KIAA2012: variants seen among roughly 807,000 people sequenced by gnomAD.
The protein encoded by KIAA2012 is KIAA2012.
Under a neutral mutation model 150.6 loss-of-function variants are expected in KIAA2012, and 125 were observed. The ratio of observed to expected loss-of-function variants is 0.83; its 90% CI spans 0.72 to 0.96. The LOEUF (loss-of-function observed/expected upper bound fraction) is 0.96, where lower values mean the gene tolerates loss of function less well. Among genes scored for constraint, KIAA2012 ranks in the 40% least tolerant of loss-of-function variants. The pLI, the probability that KIAA2012 is intolerant of heterozygous loss-of-function variation, is 0.00. For missense variants in KIAA2012, 1,219 were observed against 1,354.9 expected (o/e 0.90, Z 1.57); for synonymous variants, 462 against 504.7 (o/e 0.92, Z 1.13).
intron 15 of KIAA2012, among the ~76,000 whole-genome samples, chr2:202,175,050 G>A (rs1691962713): frequency 6.6e-6 from 1 of 152,084 alleles, no homozygotes. Flanking sequence ...GTTTACAATT[G>A]GTTGATATGA....
intron 9 of KIAA2012, among the ~76,000 whole-genome samples, chr2:202,107,233 CAA>C (rs11315273): frequency 3.1e-5 from 4 of 129,444 alleles, no homozygotes; most frequent in South Asian, 2.3e-4. Context: ...TAACTAATAC[CAA>C]AAAAAAAATA....
chr2:202,204,138 G>A (rs1277572395), intron 23 of KIAA2012, among the ~76,000 whole-genome samples: 3 of 147,052 alleles, frequency 2.0e-5, no homozygotes, highest in Non-Finnish European at 4.5e-5. Context: ...GTGCAGTGGC[G>A]CCATCACAGC....
chr2:202,142,722 T>A (rs944216139), intron 13 of KIAA2012, among the ~76,000 whole-genome samples: 3 of 152,140 alleles, frequency 2.0e-5, no homozygotes, highest in African/African-American at 7.2e-5. Context: ...GCCTGGAGGT[T>A]AGAATCAAGA....
At chr2:202,116,268 G>C (rs1189481629) in intron 11 of KIAA2012, 1 of 152,118 alleles carries the variant, frequency 6.6e-6, no homozygotes, top group Non-Finnish European at 1.5e-5. Context: ...ATTTGTTCTT[G>C]TTCTAAATGG....
chr2:202,105,602 C>T (rs934828534), intron 8 of KIAA2012, among the ~76,000 whole-genome samples, 159 bp from the exon 9 acceptor site: 1 of 152,212 alleles, frequency 6.6e-6, no homozygotes, highest in Non-Finnish European at 1.5e-5. Context: ...ACTCTCATGC[C>T]AGGCTTCAGT....
chr2:202,162,065 G>T (rs1241362531), intron 14 of KIAA2012, among the ~76,000 whole-genome samples: 2 of 149,096 alleles, frequency 1.3e-5, no homozygotes, highest in African/African-American at 5.0e-5. Context: ...TATTCAGAAG[G>T]TTTTTTTTTT....
At chr2:202,135,360 G>C in intron 12 of KIAA2012, among the ~76,000 whole-genome samples, 1 of 152,198 alleles carries the variant, frequency 6.6e-6, no homozygotes, top group East Asian at 1.9e-4. Flanking sequence ...AAAAGAACCA[G>C]GCCTTTGTTT....
At chr2:202,089,295 T>A (rs987649221) in intron 2 of KIAA2012, among the ~76,000 whole-genome samples, 1 of 152,242 alleles carries the variant, frequency 6.6e-6, no homozygotes, top group African/African-American at 2.4e-5. Flanking sequence ...ATTTACTGCA[T>A]CCTAACCTGT....
intron 10 of KIAA2012, among the ~76,000 whole-genome samples, chr2:202,110,083 A>G (rs1270310035): frequency 1.3e-5 from 2 of 152,124 alleles, no homozygotes; most frequent in Non-Finnish European, 2.9e-5. Context: ...TGGGGGAGAC[A>G]CACTACTGGA....
intron 14 of KIAA2012, among the ~76,000 whole-genome samples, chr2:202,165,066 G>T (rs1691729252): frequency 6.6e-6 from 1 of 151,918 alleles, no homozygotes. Context: ...GAGACTACAG[G>T]TGCATATTAT....
At chr2:202,114,390 A>G (rs922201614) in intron 11 of KIAA2012, 2 of 167,174 alleles carry the variant, frequency 1.2e-5, no homozygotes, top group African/African-American at 4.8e-5. Flanking sequence ...TTCCATCAGC[A>G]GTTGGTTTAT....
At chr2:202,108,927 G>A (rs919885070) in intron 9 of KIAA2012, among the ~76,000 whole-genome samples, 5 of 152,160 alleles carry the variant, frequency 3.3e-5, no homozygotes, top group South Asian at 2.1e-4. Context: ...AGGTGAAGCC[G>A]AGGCCTCAGT....
chr2:202,194,217 A>G lies in KIAA2012; in HGVS notation c.3042A>G (p.Glu1014=), dbSNP rs547803668. 1 of 1,550,730 alleles carries G rather than the reference A, an allele frequency of 6.4e-7. No individual in the cohort carries two copies. The highest frequency in any genetic ancestry group is 2.4e-5 in the East Asian group (1 of 40,922). Residue 1014 remains glutamate (E), a synonymous_variant, in exon 21 of 24, where the codon GAA becomes GAG. Transcript: ENST00000498697. ...IRLRKQRLQE[E]QQRQEEEERK... is the part of the protein sequence containing the mutation. ...TGAGGAAACAGAGACTCCAAGAAGA[A>G]CAGCAGCGGCAGGAGGAGGAGGAGA...
At chr2:202,162,500 C>G (rs976916075) in intron 14 of KIAA2012, among the ~76,000 whole-genome samples, 2 of 151,640 alleles carry the variant, frequency 1.3e-5, no homozygotes, top group Non-Finnish European at 2.9e-5. Context: ...GTCTCGAACT[C>G]CTGACCTCAG....
intron 14 of KIAA2012, among the ~76,000 whole-genome samples, chr2:202,160,611 C>T (rs1200483658): frequency 6.6e-6 from 1 of 152,058 alleles, no homozygotes; most frequent in Admixed American, 6.6e-5. Flanking sequence ...CCACGCCCGG[C>T]CAAAATCATA....
At chr2:202,135,994 A>T (rs7578906) in intron 12 of KIAA2012, 105,402 of 255,180 alleles carry the variant, frequency 0.41, 17,661 homozygotes, top group East Asian at 0.62. Context: ...ATTCAAATTT[A>T]AAAAAAAAAA....
intron 13 of KIAA2012, among the ~76,000 whole-genome samples, chr2:202,146,784 G>A (rs1280921882): frequency 1.3e-5 from 2 of 152,074 alleles, no homozygotes; most frequent in Non-Finnish European, 2.9e-5. Context: ...GAGTGACAGA[G>A]CAAGACTCTG....
At chr2:202,182,231 C>A (rs1692135732) in intron 15 of KIAA2012, among the ~76,000 whole-genome samples, 1 of 151,254 alleles carries the variant, frequency 6.6e-6, no homozygotes, top group Non-Finnish European at 1.5e-5. Context: ...TCTGCCTCAG[C>A]CTCCCGAGTA....
At chr2:202,119,501 G>T (rs962867867) in intron 11 of KIAA2012, among the ~76,000 whole-genome samples, 8 of 152,182 alleles carry the variant, frequency 5.3e-5, no homozygotes, top group Admixed American at 5.2e-4. Flanking sequence ...ACCGTCATCA[G>T]TATTTAAGCA....
Sources: allele counts gnomAD v4.1 joint callset (sites outside exome capture counted in the v4.1 genomes callset), GRCh38; gene constraint gnomAD v4.1.1; transcripts MANE v1.5; gene names NCBI Gene and HGNC (gene_info 2026-07-23, HGNC 2026-07-21).